Variants in OSBPL1A observed in about 807,000 individuals in gnomAD.
The protein encoded by OSBPL1A is oxysterol-binding protein-related protein 1.
A neutral mutation model predicts 137.1 loss-of-function variants in OSBPL1A; 80 were observed. The observed-to-expected ratio is 0.58, with a 90% CI of 0.49 to 0.70. OSBPL1A has a LOEUF of 0.70. OSBPL1A is among the 30% of genes least tolerant of loss of function. The pLI, the probability that OSBPL1A is intolerant of heterozygous loss-of-function variation, is 0.00. For synonymous variants in OSBPL1A, 365 were observed against 389.7 expected, an observed-to-expected ratio of 0.94 and a Z score of 0.75; for missense variants, 970 against 1,129.4, an observed-to-expected ratio of 0.86 and a Z score of 2.02.
At chr18:24,207,076 C>G (rs2087394621) in intron 17 of OSBPL1A, among the ~76,000 whole-genome samples, 1 of 152,152 alleles carries the variant, frequency 6.6e-6, no homozygotes, top group South Asian at 2.1e-4. Flanking sequence ...GATAAGTAAG[C>G]AATGAGGTAT....
intron 16 of OSBPL1A, among the ~76,000 whole-genome samples, chr18:24,230,047 A>T (rs1048779039): frequency 1.3e-5 from 2 of 152,116 alleles, no homozygotes; most frequent in African/African-American, 4.8e-5. Flanking sequence ...ACCACGCCCC[A>T]CCAATAATTC....
chr18:24,227,283 A>G (rs1024249175), intron 16 of OSBPL1A, among the ~76,000 whole-genome samples: 1 of 152,194 alleles, frequency 6.6e-6, no homozygotes, highest in Non-Finnish European at 1.5e-5. Context: ...TTGAAAAAAA[A>G]TTAAAAACAA....
intron 1 of OSBPL1A, among the ~76,000 whole-genome samples, chr18:24,377,907 C>A (rs1236327899): frequency 1.3e-5 from 2 of 152,016 alleles, no homozygotes; most frequent in Admixed American, 6.5e-5. Flanking sequence ...AAGGAAAAAA[C>A]AAAATTAGAG....
chr18:24,362,990 G>A (rs2146188872), intron 4 of OSBPL1A, among the ~76,000 whole-genome samples: 1 of 152,340 alleles, frequency 6.6e-6, no homozygotes, highest in South Asian at 2.1e-4. Context: ...AGGCCTGGCA[G>A]TGAAACCCAG....
At chr18:24,263,728 C>T (rs567428715) in intron 15 of OSBPL1A, among the ~76,000 whole-genome samples, 7 of 152,248 alleles carry the variant, frequency 4.6e-5, no homozygotes, top group South Asian at 4.1e-4. Context: ...CTCCACCTCC[C>T]GGGTTCAAGT....
chr18:24,333,889 A>G (rs1713674667), intron 6 of OSBPL1A, among the ~76,000 whole-genome samples: 2 of 152,150 alleles, frequency 1.3e-5, no homozygotes, highest in Admixed American at 6.6e-5. Context: ...ATAGGGTCCT[A>G]TTTATTATGT....
intron 20 of OSBPL1A, 122 bp downstream of exon 20, chr18:24,179,616 C>T: frequency 1.3e-6 from 1 of 764,908 alleles, no homozygotes; most frequent in African/African-American, 1.7e-5. Flanking sequence ...ATCCTAGAAA[C>T]AAACATCAAA....
At chr18:24,212,343 A>C (rs190043185) in intron 17 of OSBPL1A, among the ~76,000 whole-genome samples, 1,579 of 152,144 alleles carry the variant, frequency 0.01, 15 homozygotes, top group Non-Finnish European at 0.017. Context: ...CGGGTGTGAG[A>C]CACCACGCCC....
intron 17 of OSBPL1A, among the ~76,000 whole-genome samples, chr18:24,210,679 CA>C (rs1338377068): frequency 1.3e-5 from 2 of 151,874 alleles, no homozygotes; most frequent in Admixed American, 1.3e-4. Context: ...GGACCACAGG[CA>C]AGTGCCACCA....
chr18:24,288,999 C>A (rs1189634032), intron 14 of OSBPL1A, among the ~76,000 whole-genome samples: 1 of 151,832 alleles, frequency 6.6e-6, no homozygotes, highest in South Asian at 2.1e-4. Flanking sequence ...GAGAACTGAT[C>A]AACAAAATAT....
In OSBPL1A at chr18:24,178,215, A is replaced by G. The variant is rs777750249; in HGVS notation, c.1911-20T>C. ...TCATCTCTTAAGATTTAAAAAAAAA[A>G]AAAAAGAAAAAAAAAAGCAACATTA... On this transcript the variant is annotated intron_variant, in intron 20 of 27. Transcript: ENST00000319481. 113 of 1,521,410 alleles carry G rather than the reference A, an allele frequency of 7.4e-5. No homozygotes were observed. The highest frequency in any genetic ancestry group is 9.9e-5 in the Non-Finnish European group (112 of 1,131,568). 94.2% of individuals were successfully genotyped at this position (1,521,410 alleles called of 1,614,324 possible).
chr18:24,192,936 G>T (rs1401535985), intron 18 of OSBPL1A, among the ~76,000 whole-genome samples: 1 of 152,154 alleles, frequency 6.6e-6, no homozygotes, highest in African/African-American at 2.4e-5. Flanking sequence ...GGAATTGTGG[G>T]GCTGTCACCC....
intron 7 of OSBPL1A, among the ~76,000 whole-genome samples, chr18:24,331,470 C>T (rs1336172764): frequency 6.7e-6 from 1 of 149,482 alleles, no homozygotes; most frequent in Non-Finnish European, 1.5e-5. Flanking sequence ...GATCTCGGCT[C>T]ACTGCAAGCT....
intron 4 of OSBPL1A, among the ~76,000 whole-genome samples, chr18:24,363,447 CTT>C (rs575394950): frequency 1.2e-4 from 16 of 130,978 alleles, no homozygotes; most frequent in African/African-American, 1.2e-4. Context: ...TCTTTTTTTC[CTT>C]TTTTTTTTTT....
rs1378117803 is a variant in OSBPL1A, at chr18:24,280,889, A to C, written c.1234T>G (p.Cys412Gly). The C allele has an allele frequency of 2.5e-6, 4 of 1,610,340 alleles. No homozygotes were observed. The change falls in exon 15 of 28, where the codon TGT (cysteine) becomes GGT (glycine). Residue 412 changes from cysteine (C) to glycine (G), a missense_variant. Transcript: ENST00000319481. ...TTAAGGCAATCAGTCAAAGCTACAC[A>C]AGTTTCTCTAGAAGCTTCTGAGACA... ...EVVSEASRET[C>G]VALTDCLNLF...
intron 7 of OSBPL1A, among the ~76,000 whole-genome samples, chr18:24,321,368 C>T (rs2146125870): frequency 6.6e-6 from 1 of 152,324 alleles, no homozygotes. Flanking sequence ...ACTATCACAG[C>T]TCACCACAGC....
intron 11 of OSBPL1A, 31 bp downstream of exon 11, chr18:24,317,118 A>G: frequency 6.2e-7 from 1 of 1,609,934 alleles, no homozygotes; most frequent in Admixed American, 1.7e-5. Context: ...TTTCACAGTT[A>G]GAGGAGCAAA....
rs2089695418 is a variant in OSBPL1A, at chr18:24,270,659, G to A, written c.1281+10183C>T. ...TACCTTGCCAAAGACATCAGCTTAG[G>A]GACTAAAAAATTTGATTTGGAGAGG... On this transcript the variant is annotated intron_variant, in intron 15 of 27. Coordinates refer to ENST00000319481, the MANE Select transcript of OSBPL1A (RefSeq NM_080597.4). 3.3e-5 allele frequency among the ~76,000 whole-genome samples: 5 copies of A among 151,942 alleles called. No individual in the cohort carries two copies. The South Asian group carries it at 1.0e-3, about 32-fold the overall frequency.
In OSBPL1A at chr18:24,180,461, T is replaced by TTG. The variant is rs57229701; in HGVS notation, c.1813-628_1813-627dup. ...GTAAGCACAAACATATTTTTCTATT[T>TTG]TGTGTGTGTGTGTGTGTGTGTGTAT... is the stretch of plus-strand genomic sequence containing the variant. On this transcript the variant is annotated intron_variant, in intron 19 of 27. Coordinates refer to ENST00000319481, the MANE Select transcript of OSBPL1A (RefSeq NM_080597.4). Among the ~76,000 whole-genome samples, 1,053 of 150,248 alleles carry TTG rather than the reference T, an allele frequency of 7.0e-3. 13 individuals are homozygous for TTG. Among genetic ancestry groups the TTG allele is most frequent in the African/African-American group, 0.024 (978 of 41,134 alleles).
Sources: gnomAD v4.1 joint callset for allele counts (sites outside exome capture counted in the v4.1 genomes callset) on GRCh38, gnomAD v4.1.1 for gene constraint, MANE v1.5 for transcripts, NCBI Gene and HGNC (gene_info 2026-07-23, HGNC 2026-07-21) for gene names.